Variants in BTN3A1 observed in about 807,000 individuals in gnomAD.
BTN3A1 encodes dJ45P21.3 (butyrophilin, subfamily 3, member A1).
Under a neutral mutation model 43.0 loss-of-function variants are expected in BTN3A1, and 24 were observed. The ratio of observed to expected loss-of-function variants is 0.56; its 90% CI spans 0.40 to 0.78. The LOEUF is 0.78. BTN3A1 is among the 30% of genes least tolerant of loss of function. The probability of loss-of-function intolerance (pLI) is 0.00; values close to 1 mark genes in which losing one functional copy is unlikely to be tolerated. For missense variants in BTN3A1, 533 were observed against 626.2 expected, an observed-to-expected ratio of 0.85 and a Z score of 1.59; for synonymous variants, 181 against 234.7, an observed-to-expected ratio of 0.77 and a Z score of 2.09.
chr6:26,411,939 C>G (rs1762235788), intron 9 of BTN3A1: 1 of 252,096 alleles, frequency 4.0e-6, no homozygotes, highest in Non-Finnish European at 7.5e-6. Flanking sequence ...AGAACTTAGT[C>G]CTTCCCAGAC....
chr6:26,411,197 T>C, intron 8 of BTN3A1, 62 bp downstream of exon 8: 1 of 1,564,404 alleles, frequency 6.4e-7, no homozygotes, highest in Non-Finnish European at 8.7e-7. Flanking sequence ...TTCAACCTTT[T>C]CTCTGCTGTG....
chr6:26,411,523 C>T, intron 8 of BTN3A1, 32 bp from the exon 9 acceptor site: 1 of 1,608,966 alleles, frequency 6.2e-7, no homozygotes. Context: ...AGAATACTGA[C>T]CTTTTCCTTA....
At chr6:26,408,812 G>A (rs1413823909) in intron 4 of BTN3A1, among the ~76,000 whole-genome samples, 1 of 152,134 alleles carries the variant, frequency 6.6e-6, no homozygotes, top group Non-Finnish European at 1.5e-5. Flanking sequence ...ATAGTGAAGT[G>A]GAAAAACCTC....
intron 4 of BTN3A1, 76 bp downstream of exon 4, chr6:26,408,028 C>T: frequency 6.3e-7 from 1 of 1,581,312 alleles, no homozygotes; most frequent in Non-Finnish European, 8.6e-7. Flanking sequence ...TTAGTGTCTG[C>T]AGTCAACCTG....
At chr6:26,402,818 AT>A (rs1397201477) in intron 1 of BTN3A1, among the ~76,000 whole-genome samples, 3 of 152,242 alleles carry the variant, frequency 2.0e-5, no homozygotes, top group Non-Finnish European at 4.4e-5. Flanking sequence ...CAGCATACAT[AT>A]ACAACAGGCG....
Position 26,405,582 on chromosome 6 carries a change from C to G in BTN3A1, c.19C>G (p.Leu7Val). MKMASF[L>V]AFLLLNFRVC... ...AGCATGAATGAAAATGGCAAGTTTCCTGGCCTTCCTTCTGCTCAACTTTCG... is the reference window on the plus strand; with the variant it reads ...AGCATGAATGAAAATGGCAAGTTTCGTGGCCTTCCTTCTGCTCAACTTTCG... The change falls in exon 2 of 10, where the codon CTG (leucine) becomes GTG (valine). Residue 7 changes from leucine to valine, a missense_variant. Coordinates refer to ENST00000289361, the MANE Select transcript of BTN3A1 (RefSeq NM_007048.6). 1.2e-6 allele frequency: 2 copies of G among 1,614,170 alleles called. No homozygotes were observed. Among genetic ancestry groups the G allele is most frequent in the Non-Finnish European group, 1.7e-6 (2 of 1,180,032 alleles).
At chr6:26,411,383 AC>A (rs1227708473) in intron 8 of BTN3A1, among the ~76,000 whole-genome samples, 171 bp from the exon 9 acceptor site, 1 of 152,182 alleles carries the variant, frequency 6.6e-6, no homozygotes, top group African/African-American at 2.4e-5. Context: ...AACAGAGCTC[AC>A]CATTTTTGAG....
intron 4 of BTN3A1, among the ~76,000 whole-genome samples, chr6:26,408,244 CAT>C (rs146863150): frequency 4.0e-5 from 6 of 149,950 alleles, no homozygotes; most frequent in Admixed American, 6.7e-5. Context: ...AAGGGGAAAG[CAT>C]ATATATATAT....
Position 26,405,448 on chromosome 6 carries a change from T to C in BTN3A1, c.-116T>C, listed in dbSNP as rs1761979742. On this transcript the variant is annotated 5_prime_UTR_variant, in exon 2 of 10. Coordinates refer to ENST00000289361, the MANE Select transcript of BTN3A1 (RefSeq NM_007048.6). The stretch of plus-strand genomic sequence containing the variant: ...TTGGCAGAGGAAAGATCTTCTTCGG[T>C]CACCATACTTGAGTTAGCTCTAGGG... The C allele has an allele frequency of 1.0e-6, 1 of 980,616 alleles. No individual in the cohort carries two copies. The highest frequency in any genetic ancestry group is 2.1e-5 in the Admixed American group (1 of 48,074). The allele number at this position is 980,616 out of a possible 1,614,324, so 60.7% of individuals were successfully genotyped here. A position where few individuals can be genotyped will look rare whatever the true frequency, so the allele number is the denominator to read the frequency against.
chr6:26,409,695 T>C lies in BTN3A1; in HGVS notation c.878T>C (p.Met293Thr). 2 of 1,584,900 alleles carry C rather than the reference T, an allele frequency of 1.3e-6. No homozygotes were observed. The highest frequency in any genetic ancestry group is 1.9e-5 in the Admixed American group (1 of 53,486). ...KKKREQELRE[M>T]AWSTMKQEQS... ...AAGAGAGAGCAAGAGTTGAGAGAAA[T>C]GGCATGGAGCACAATGAAGCAAGAA... is the stretch of plus-strand genomic sequence containing the variant. Residue 293 changes from methionine (M) to threonine (T), a missense_variant, in exon 5 of 10, where the codon ATG (methionine) becomes ACG (threonine). Around this residue, in one of 4 missense-constraint regions of BTN3A1, gnomAD observed 415 missense variants for 427.0 expected, o/e 0.97. Coordinates refer to ENST00000289361, the MANE Select transcript of BTN3A1 (RefSeq NM_007048.6).
chr6:26,414,015 G>A lies in BTN3A1; in HGVS notation c.*323G>A, dbSNP rs1762312800. 1 of 377,752 alleles carries A rather than the reference G, an allele frequency of 2.6e-6. No homozygotes were observed. 23.4% of individuals were successfully genotyped at this position (377,752 alleles called of 1,614,324 possible). A position where few individuals can be genotyped will look rare whatever the true frequency, so the allele number is the denominator to read the frequency against. On this transcript the variant is annotated 3_prime_UTR_variant, in exon 10 of 10. Transcript: ENST00000289361. ...AGAAAAGTGAATTGACTACAAAGTA[G>A]ACATGACTAGTTAACAACACAGCTG... is the stretch of plus-strand genomic sequence containing the variant.
Position 26,413,251 on chromosome 6 carries a change from G to A in BTN3A1, c.1101G>A (p.Glu367=). Residue 367 remains glutamate (E), a synonymous_variant, in exon 10 of 10, where the codon GAG becomes GAA. Coordinates refer to ENST00000289361, the MANE Select transcript of BTN3A1 (RefSeq NM_007048.6). ...AGAGGAGTGTGCAGCGTGCCAAGGA[G>A]CCCCAGGATCTGCCAGACAACCCTG... The part of the protein sequence containing the change: ...EDQRSVQRAK[E]PQDLPDNPER... The A allele has an allele frequency of 3.1e-6, 5 of 1,614,142 alleles. No homozygotes were observed. Among genetic ancestry groups the A allele is most frequent in the Non-Finnish European group, 4.2e-6 (5 of 1,180,010 alleles).
Position 26,409,450 on chromosome 6 carries a change from G to T in BTN3A1, c.716-83G>T, listed in dbSNP as rs1762129055. 3 of 1,306,464 alleles carry T rather than the reference G, an allele frequency of 2.3e-6. No homozygotes were observed. The Admixed American group carries it at 5.2e-5, about 23-fold the overall frequency. The allele number at this position is 1,306,464 out of a possible 1,614,324, so 80.9% of individuals were successfully genotyped here. ...TAGATTCCGTGCCCTGTGACCTGGG[G>T]TGAGCAGCTAACACTTGGGGCGCTG... On this transcript the variant is annotated intron_variant, in intron 4 of 9. Coordinates refer to ENST00000289361, the MANE Select transcript of BTN3A1 (RefSeq NM_007048.6).
In BTN3A1 at chr6:26,415,099, G is replaced by A. The variant is rs1201670458; in HGVS notation, c.*1407G>A. On this transcript the variant is annotated 3_prime_UTR_variant, in exon 10 of 10. Transcript: ENST00000289361. ...TTCCTTTCAACTGCTGCCTGCTAGG[G>A]AAAAACTACTCCTCATTATCATCAT... is the stretch of plus-strand genomic sequence containing the variant. 1 of 152,148 alleles carries A rather than the reference G, an allele frequency of 6.6e-6. No homozygotes were observed. The highest frequency in any genetic ancestry group is 1.5e-5 in the Non-Finnish European group (1 of 68,040). The allele number at this position is 152,148 out of a possible 1,614,324, so 9.4% of individuals were successfully genotyped here. A position where few individuals can be genotyped will look rare whatever the true frequency, so the allele number is the denominator to read the frequency against.
Position 26,411,589 on chromosome 6 carries a change from A to G in BTN3A1, c.1018+8A>G. 11 of 1,613,064 alleles carry G rather than the reference A, an allele frequency of 6.8e-6. No homozygotes were observed. The highest frequency in any genetic ancestry group is 9.3e-6 in the Non-Finnish European group (11 of 1,179,406). On this transcript the variant is annotated splice_region_variant and intron_variant, in intron 9 of 9. Coordinates refer to ENST00000289361, the MANE Select transcript of BTN3A1 (RefSeq NM_007048.6). ...AGGCCCTCTTCAAGCCTGGTGAGTA[A>G]ATCACTGTGTGTTCCCTGGACCAAC...
chr6:26,404,730 G>A (rs10456045), intron 1 of BTN3A1, among the ~76,000 whole-genome samples: 34,670 of 152,158 alleles, frequency 0.23, 4,394 homozygotes, highest in Non-Finnish European at 0.28. Flanking sequence ...TACTTTGCTC[G>A]ACTTGACATC....
rs1761985563 is a variant in BTN3A1 at position 26,405,573 on chromosome 6, G to A, written c.10G>A (p.Ala4Thr). The A allele has an allele frequency of 1.2e-6, 2 of 1,613,994 alleles. No individual in the cohort carries two copies. Among genetic ancestry groups the A allele is most frequent in the South Asian group, 1.1e-5 (1 of 91,070 alleles). Residue 4 changes from alanine to threonine, a missense_variant, in exon 2 of 10, where the codon GCA becomes ACA. Around this residue, in one of 4 missense-constraint regions of BTN3A1, gnomAD observed 56 missense variants for 67.1 expected, o/e 0.83. Transcript: ENST00000289361. ...CTGATATGCAGCATGAATGAAAATG[G>A]CAAGTTTCCTGGCCTTCCTTCTGCT... MKM[A>T]SFLAFLLLNF... is the part of the protein sequence containing the mutation.
At chr6:26,403,220 C>T (rs1224899417) in intron 1 of BTN3A1, among the ~76,000 whole-genome samples, 1 of 152,146 alleles carries the variant, frequency 6.6e-6, no homozygotes, top group East Asian at 1.9e-4. Flanking sequence ...TGCACGCCAC[C>T]ACACCCAGCT....
Position 26,413,597 on chromosome 6 carries a change from C to T in BTN3A1, c.1447C>T (p.His483Tyr). Residue 483 changes from histidine (H) to tyrosine (Y), a missense_variant, in exon 10 of 10, where the codon CAT becomes TAT. Physicochemically the swap from His to Tyr is moderately conservative, Grantham distance 83. Coordinates refer to ENST00000289361, the MANE Select transcript of BTN3A1 (RefSeq NM_007048.6). ...FYNAVDGSHI[H>Y]TFLDVSFSEA... ...CAATGCTGTGGATGGATCGCATATT[C>T]ATACTTTCCTGGACGTCTCCTTCTC... 1 of 1,614,184 alleles carries T rather than the reference C, an allele frequency of 6.2e-7. No individual in the cohort carries two copies.
Sources: allele counts gnomAD v4.1 joint callset (sites outside exome capture counted in the v4.1 genomes callset), GRCh38; gene constraint gnomAD v4.1.1; regional missense constraint gnomAD v4.1.1; transcripts MANE v1.5; gene names NCBI Gene and HGNC (gene_info 2026-07-23, HGNC 2026-07-21).